Variants in KAZN observed in about 807,000 individuals in gnomAD.
The protein encoded by KAZN is kazrin.
Under a neutral mutation model 87.4 loss-of-function variants are expected in KAZN, and 40 were observed. The observed-to-expected ratio is 0.46, with a 90% CI of 0.36 to 0.60. KAZN has a LOEUF of 0.60. Among genes scored for constraint, KAZN ranks in the 20% least tolerant of loss-of-function variants. KAZN has a pLI of 0.00. For missense variants in KAZN, 898 were observed against 1,073.9 expected, an observed-to-expected ratio of 0.84 and a Z score of 2.29; for synonymous variants, 466 against 458.3, an observed-to-expected ratio of 1.02 and a Z score of -0.22.
chr1:14,757,516 G>C (rs1048037693), intron 1 of KAZN, among the ~76,000 whole-genome samples: 5 of 152,146 alleles, frequency 3.3e-5, no homozygotes, highest in Admixed American at 2.0e-4. Context: ...CAGTAAAATG[G>C]CAACAGTAGC....
At chr1:14,201,699 G>A (rs556432603) in intron 2 of KAZN, among the ~76,000 whole-genome samples, 5 of 152,258 alleles carry the variant, frequency 3.3e-5, no homozygotes, top group East Asian at 1.9e-4. Flanking sequence ...GTGAAGTTTC[G>A]CTCTTGTTGC....
chr1:14,349,966 C>A (rs555764455), intron 2 of KAZN, among the ~76,000 whole-genome samples: 1 of 152,000 alleles, frequency 6.6e-6, no homozygotes, highest in East Asian at 1.9e-4. Context: ...GAAAACCCGT[C>A]CCTACTGAAA....
chr1:14,523,180 A>G (rs143028682), intron 2 of KAZN, among the ~76,000 whole-genome samples: 102 of 151,432 alleles, frequency 6.7e-4, no homozygotes, highest in African/African-American at 2.3e-3. Context: ...ATCCTCACCA[A>G]CCCCCTGAGC....
intron 2 of KAZN, among the ~76,000 whole-genome samples, chr1:14,272,522 C>A (rs905601924): frequency 1.3e-5 from 2 of 152,164 alleles, no homozygotes; most frequent in Non-Finnish European, 2.9e-5. Context: ...TAGTGCATGA[C>A]TTTCATATGG....
chr1:14,956,183 C>T (rs1204865015), intron 1 of KAZN, among the ~76,000 whole-genome samples: 2 of 151,948 alleles, frequency 1.3e-5, no homozygotes, highest in Non-Finnish European at 2.9e-5. Context: ...AAGACAAGGC[C>T]CCGGCCAGGC....
intron 8 of KAZN, among the ~76,000 whole-genome samples, chr1:15,076,512 T>C (rs920188789): frequency 6.6e-6 from 1 of 152,092 alleles, no homozygotes; most frequent in African/African-American, 2.4e-5. Flanking sequence ...AAAGATAAAA[T>C]AGTAAATGGA....
intron 1 of KAZN, among the ~76,000 whole-genome samples, chr1:14,127,394 CTGT>C (rs34901220): frequency 0.37 from 51,688 of 139,134 alleles, 9,318 homozygotes; most frequent in East Asian, 0.66. Context: ...TACCCCTTTA[CTGT>C]TGTTTTTTTT....
intron 1 of KAZN, among the ~76,000 whole-genome samples, chr1:14,027,451 A>G (rs569349569): frequency 9.2e-5 from 14 of 152,224 alleles, no homozygotes; most frequent in South Asian, 2.1e-4. Context: ...TTTCATGTCA[A>G]TTAATTTGTA....
At chr1:14,516,191 G>T (rs1243872543) in intron 2 of KAZN, among the ~76,000 whole-genome samples, 1 of 152,194 alleles carries the variant, frequency 6.6e-6, no homozygotes, top group Non-Finnish European at 1.5e-5. Context: ...TGGTGCTGAA[G>T]GTTAGAGCAG....
intron 1 of KAZN, among the ~76,000 whole-genome samples, chr1:13,960,652 C>A (rs549902333): frequency 6.6e-6 from 1 of 152,288 alleles, no homozygotes; most frequent in African/African-American, 2.4e-5. Flanking sequence ...TTTCCCAAAT[C>A]GGCTTGTATT....
intron 1 of KAZN, among the ~76,000 whole-genome samples, chr1:13,948,521 A>G (rs1641229202): frequency 6.6e-6 from 1 of 152,126 alleles, no homozygotes; most frequent in African/African-American, 2.4e-5. Flanking sequence ...GGTGTAAATT[A>G]CCCAGTCTCT....
At chr1:14,190,569 A>G (rs968070219) in intron 2 of KAZN, among the ~76,000 whole-genome samples, 3 of 152,104 alleles carry the variant, frequency 2.0e-5, no homozygotes, top group African/African-American at 7.2e-5. Flanking sequence ...ACTGGCCTAT[A>G]CTTTTCTTTG....
At chr1:15,105,561 G>T (rs1295436053) in intron 13 of KAZN, among the ~76,000 whole-genome samples, 22 of 143,552 alleles carry the variant, frequency 1.5e-4, no homozygotes, top group African/African-American at 4.6e-4. Context: ...TTTGAGTTTT[G>T]TTTTTTTTTT....
intron 2 of KAZN, among the ~76,000 whole-genome samples, chr1:14,986,925 G>A (rs1458867168): frequency 6.6e-6 from 1 of 152,108 alleles, no homozygotes; most frequent in East Asian, 1.9e-4. Context: ...CACGGTAGCA[G>A]GCACTCTGCC....
At chr1:14,839,926 G>C (rs1647742492) in intron 1 of KAZN, among the ~76,000 whole-genome samples, 1 of 152,106 alleles carries the variant, frequency 6.6e-6, no homozygotes, top group Admixed American at 6.6e-5. Context: ...CAATAATTCT[G>C]GGGGAGGAAG....
At chr1:14,984,516 CT>C (rs1461276170) in intron 2 of KAZN, among the ~76,000 whole-genome samples, 2 of 152,142 alleles carry the variant, frequency 1.3e-5, no homozygotes, top group Non-Finnish European at 2.9e-5. Flanking sequence ...CATCATTATG[CT>C]CTTTTGATGG....
At chr1:14,233,897 C>T (rs527271512) in intron 2 of KAZN, among the ~76,000 whole-genome samples, 1 of 152,148 alleles carries the variant, frequency 6.6e-6, no homozygotes, top group Non-Finnish European at 1.5e-5. Context: ...AGTCAGGAAA[C>T]AACAGATGCT....
rs1573207653 is a variant in KAZN, at chr1:15,055,946, T to C, written c.727-145T>C. The stretch of plus-strand genomic sequence containing the variant: ...ACGGCTGCGGGGCAGGCGCTTGACT[T>C]ACCAATTGACGCTCGATGCCGAGCC... On this transcript the variant is annotated intron_variant, in intron 4 of 14. Transcript: ENST00000376030. 4 of 765,592 alleles carry C rather than the reference T, an allele frequency of 5.2e-6. No homozygotes were observed. In the East Asian group the frequency reaches 8.0e-5, roughly 15 times the overall value. 47.4% of individuals were successfully genotyped at this position (765,592 alleles called of 1,614,324 possible).
chr1:14,775,505 G>A (rs922820550), intron 1 of KAZN, among the ~76,000 whole-genome samples: 6 of 152,338 alleles, frequency 3.9e-5, no homozygotes, highest in Admixed American at 6.5e-5. Flanking sequence ...TGGCGTCCAC[G>A]CCTTGTGATG....
Sources: allele counts gnomAD v4.1 joint callset (sites outside exome capture counted in the v4.1 genomes callset), GRCh38; gene constraint gnomAD v4.1.1; transcripts MANE v1.5; gene names NCBI Gene and HGNC (gene_info 2026-07-23, HGNC 2026-07-21).